Variants in TTC39B observed in about 807,000 individuals in gnomAD.
TTC39B encodes tetratricopeptide repeat protein 39B.
Under a neutral mutation model 96.6 loss-of-function variants are expected in TTC39B, and 92 were observed. The observed-to-expected ratio is 0.95, with a 90% CI of 0.80 to 1.13. The LOEUF is 1.13. Ranked by LOEUF, TTC39B falls within the 50% of genes most tolerant of loss-of-function variation. The pLI is 0.00. For synonymous variants in TTC39B, 367 were observed against 299.4 expected, an observed-to-expected ratio of 1.23 and a Z score of -2.33; for missense variants, 955 against 809.3, an observed-to-expected ratio of 1.18 and a Z score of -2.18.
intron 7 of TTC39B, among the ~76,000 whole-genome samples, chr9:15,200,918 G>C (rs1819500198): frequency 6.6e-6 from 1 of 152,146 alleles, no homozygotes; most frequent in African/African-American, 2.4e-5. Context: ...AGAATCACTT[G>C]AACCTGGGAG....
chr9:15,238,158 T>A (rs1163877020), intron 2 of TTC39B, among the ~76,000 whole-genome samples: 1 of 152,026 alleles, frequency 6.6e-6, no homozygotes, highest in Non-Finnish European at 1.5e-5. Context: ...GCCAACATCA[T>A]ATGGAATTGG....
chr9:15,171,933 A>G (rs1045408507), exon 20 of TTC39B: 24 of 1,033,804 alleles, frequency 2.3e-5, no homozygotes, highest in Non-Finnish European at 3.3e-5. Flanking sequence ...CTTATTCACA[A>G]GATCATTTTT....
At chr9:15,185,870 T>A (rs1046498765) in intron 15 of TTC39B, among the ~76,000 whole-genome samples, 1 of 152,158 alleles carries the variant, frequency 6.6e-6, no homozygotes, top group African/African-American at 2.4e-5. Flanking sequence ...CACAGATCTA[T>A]AAAATAATAT....
At chr9:15,269,786 C>T (rs538087226) in intron 1 of TTC39B, among the ~76,000 whole-genome samples, 28 of 149,546 alleles carry the variant, frequency 1.9e-4, no homozygotes, top group African/African-American at 6.6e-4. Flanking sequence ...ACCTGGGAGG[C>T]GGACGTTACA....
chr9:15,263,879 G>A (rs1296518833), intron 2 of TTC39B, among the ~76,000 whole-genome samples: 5 of 152,156 alleles, frequency 3.3e-5, no homozygotes, highest in African/African-American at 9.7e-5. Flanking sequence ...ACACACAAAC[G>A]TTTAAGCGAC....
intron 2 of TTC39B, among the ~76,000 whole-genome samples, chr9:15,263,234 A>C (rs77259146): frequency 0.11 from 17,020 of 152,204 alleles, 1,590 homozygotes; most frequent in African/African-American, 0.25. Flanking sequence ...TGGAGAACCC[A>C]CACTCTTACA....
At chr9:15,262,499 C>T (rs1045165306) in intron 2 of TTC39B, among the ~76,000 whole-genome samples, 2 of 152,078 alleles carry the variant, frequency 1.3e-5, no homozygotes, top group African/African-American at 4.8e-5. Context: ...TTTGTATGAC[C>T]TACCAGTTTT....
chr9:15,304,387 T>C (rs1426384446), intron 1 of TTC39B, among the ~76,000 whole-genome samples: 2 of 152,196 alleles, frequency 1.3e-5, no homozygotes, highest in Non-Finnish European at 2.9e-5. Flanking sequence ...CCACACACCA[T>C]TATAATATCT....
chr9:15,175,609 T>C (rs932429705), intron 18 of TTC39B, among the ~76,000 whole-genome samples: 11 of 152,214 alleles, frequency 7.2e-5, no homozygotes, highest in African/African-American at 2.4e-4. Flanking sequence ...TCTCTGGTTA[T>C]AAAACATGTA....
intron 1 of TTC39B, among the ~76,000 whole-genome samples, chr9:15,300,764 T>C (rs1178230120): frequency 1.3e-5 from 2 of 152,080 alleles, no homozygotes; most frequent in East Asian, 3.9e-4. Context: ...CAGGCACCTG[T>C]AATCCCAGCT....
intron 1 of TTC39B, among the ~76,000 whole-genome samples, chr9:15,285,262 C>G (rs1370512037): frequency 6.8e-6 from 1 of 147,692 alleles, no homozygotes; most frequent in Non-Finnish European, 1.5e-5. Flanking sequence ...GAGCAAGACT[C>G]CGTCTCAAAA....
intron 3 of TTC39B, chr9:15,224,314 T>A (rs1348899066): frequency 2.0e-5 from 3 of 152,616 alleles, no homozygotes; most frequent in Non-Finnish European, 4.4e-5. Flanking sequence ...CACACCTGGC[T>A]CTGCTGACTG....
rs549053563 is a variant in TTC39B, at chr9:15,215,083, G to A, written c.372-834C>T. ...AGCCTGGGCAACAGAGTGAGCACTCGTCTCTATAAAAAAGTTTTTTTAAAT... is the reference window on the plus strand; with the variant it reads ...AGCCTGGGCAACAGAGTGAGCACTCATCTCTATAAAAAAGTTTTTTTAAAT... On this transcript the variant is annotated intron_variant, in intron 3 of 19. Coordinates refer to ENST00000512701, the Ensembl canonical transcript of TTC39B. Among the ~76,000 whole-genome samples the A allele has an allele frequency of 3.3e-5, 5 of 151,996 alleles. No individual in the cohort carries two copies. The South Asian group carries it at 1.0e-3, about 32-fold the overall frequency.
intron 2 of TTC39B, among the ~76,000 whole-genome samples, chr9:15,245,554 ATAAACGC>A (rs1318240511): frequency 6.6e-6 from 1 of 152,198 alleles, no homozygotes; most frequent in Non-Finnish European, 1.5e-5. Context: ...GTGATGGCAA[ATAAACGC>A]TATATATTGG....
chr9:15,214,185 A>G (rs1820367318), exon 4 of TTC39B: 5 of 1,614,154 alleles, frequency 3.1e-6, no homozygotes, highest in Middle Eastern at 3.3e-4. Flanking sequence ...TTGCTTAGAA[A>G]TAAGTTCAAT....
chr9:15,212,457 C>T (rs1233694052), intron 4 of TTC39B, among the ~76,000 whole-genome samples: 2 of 152,084 alleles, frequency 1.3e-5, no homozygotes, highest in East Asian at 3.9e-4. Flanking sequence ...CAGAGCTTCG[C>T]TCTTGTTGCC....
chr9:15,190,734 T>C, intron 10 of TTC39B, 72 bp from the exon 11 acceptor site: 1 of 1,230,798 alleles, frequency 8.1e-7, no homozygotes, highest in Admixed American at 1.9e-5. Context: ...TTTTAAACAT[T>C]TTTATATATT....
At chr9:15,201,752 A>G (rs1466992109) in intron 7 of TTC39B, among the ~76,000 whole-genome samples, 1 of 152,156 alleles carries the variant, frequency 6.6e-6, no homozygotes, top group African/African-American at 2.4e-5. Flanking sequence ...GACACCTGTA[A>G]GGTGCGGGGG....
intron 6 of TTC39B, 44 bp downstream of exon 6, chr9:15,210,044 C>T (rs777005705): frequency 1.5e-6 from 2 of 1,351,218 alleles, no homozygotes; most frequent in Non-Finnish European, 2.1e-6. Flanking sequence ...GATCATTTAA[C>T]TATTAAAATC....
Sources: allele counts gnomAD v4.1 joint callset (sites outside exome capture counted in the v4.1 genomes callset), GRCh38; gene constraint gnomAD v4.1.1; transcripts MANE v1.5; gene names NCBI Gene and HGNC (gene_info 2026-07-23, HGNC 2026-07-21).